EPC2: variants seen among roughly 807,000 people sequenced by gnomAD.
EPC2 encodes the protein enhancer of polycomb 2, also known as enhancer of polycomb homolog 2.
EPC2 carries 14 observed loss-of-function variants against 92.1 expected under a neutral mutation model. The observed-to-expected ratio is 0.15, with a 90% CI of 0.10 to 0.24. EPC2 has a LOEUF of 0.24. Ranked by LOEUF, EPC2 falls within the 10% of genes least tolerant of loss-of-function variation. The pLI is 1.00. For synonymous variants in EPC2, 340 were observed against 334.7 expected, an observed-to-expected ratio of 1.02 and a Z score of -0.17; for missense variants, 755 against 971.5, an observed-to-expected ratio of 0.78 and a Z score of 2.96.
chr2:148,740,546 A>G (rs906238611), intron 2 of EPC2, among the ~76,000 whole-genome samples: 2 of 152,094 alleles, frequency 1.3e-5, no homozygotes, highest in Non-Finnish European at 2.9e-5. Context: ...TTTCTAAACT[A>G]TTTCCCAGCT....
chr2:148,670,285 G>C (rs1028612503), intron 1 of EPC2, among the ~76,000 whole-genome samples: 1 of 151,794 alleles, frequency 6.6e-6, no homozygotes, highest in South Asian at 2.1e-4. Flanking sequence ...TTACTTTGTC[G>C]GGGTATTTTG....
Position 148,670,251 on chromosome 2 carries a change from G to A in EPC2, c.154-19963G>A, listed in dbSNP as rs1574571647. Among the ~76,000 whole-genome samples, 5 of 152,038 alleles carry A rather than the reference G, an allele frequency of 3.3e-5. 1 individual carries two copies. Among genetic ancestry groups the A allele is most frequent in the Admixed American group, 1.3e-4 (2 of 15,278 alleles). ...CACTGGCCTTCATTGCCTGATGTCCGTTGTCTTAAAACCCATTGTTTTATT... is the reference window on the plus strand; with the variant it reads ...CACTGGCCTTCATTGCCTGATGTCCATTGTCTTAAAACCCATTGTTTTATT... On this transcript the variant is annotated intron_variant, in intron 1 of 13. Coordinates refer to ENST00000258484, the MANE Select transcript of EPC2 (RefSeq NM_015630.4).
intron 2 of EPC2, among the ~76,000 whole-genome samples, chr2:148,728,517 A>G (rs559297376): frequency 3.3e-5 from 5 of 151,986 alleles, no homozygotes; most frequent in African/African-American, 1.2e-4. Context: ...CCTAGACTTG[A>G]GGCCAGAAGT....
At chr2:148,691,801 T>G (rs1369958253) in intron 2 of EPC2, 2 of 704,142 alleles carry the variant, frequency 2.8e-6, no homozygotes, top group African/African-American at 3.5e-5. Context: ...AATACAAAAT[T>G]CTTTGCTTTC....
At chr2:148,667,773 C>A (rs893191720) in intron 1 of EPC2, among the ~76,000 whole-genome samples, 1 of 152,046 alleles carries the variant, frequency 6.6e-6, no homozygotes, top group African/African-American at 2.4e-5. Flanking sequence ...TTTTGTAATG[C>A]CCTTTATCAG....
At chr2:148,667,980 C>T (rs1681085939) in intron 1 of EPC2, among the ~76,000 whole-genome samples, 1 of 152,150 alleles carries the variant, frequency 6.6e-6, no homozygotes, top group African/African-American at 2.4e-5. Context: ...CTCACCACGA[C>T]CTCTGCCTCC....
chr2:148,768,197 G>A (rs1180391425), intron 7 of EPC2, among the ~76,000 whole-genome samples: 3 of 152,138 alleles, frequency 2.0e-5, no homozygotes, highest in Non-Finnish European at 4.4e-5. Context: ...TTGAGCCAGC[G>A]TTTATCAGAA....
chr2:148,728,691 C>T (rs923434716), intron 2 of EPC2, among the ~76,000 whole-genome samples: 1 of 141,038 alleles, frequency 7.1e-6, no homozygotes, highest in Non-Finnish European at 1.5e-5. Context: ...GATCGTGCTA[C>T]TGCACTGCAT....
intron 1 of EPC2, among the ~76,000 whole-genome samples, chr2:148,649,434 A>T (rs929322740): frequency 6.6e-6 from 1 of 152,228 alleles, no homozygotes; most frequent in Admixed American, 6.5e-5. Context: ...TATAAATGGA[A>T]TCATACATAC....
At chr2:148,659,238 T>C (rs938327458) in intron 1 of EPC2, among the ~76,000 whole-genome samples, 3 of 152,146 alleles carry the variant, frequency 2.0e-5, no homozygotes, top group Non-Finnish European at 2.9e-5. Flanking sequence ...TGGGTTTGTT[T>C]TGTTTTGTTA....
intron 4 of EPC2, among the ~76,000 whole-genome samples, chr2:148,758,055 T>G (rs1437728805): frequency 6.7e-6 from 1 of 150,186 alleles, no homozygotes; most frequent in African/African-American, 2.5e-5. Context: ...GGAGCCAGCT[T>G]GAAAGGGGAC....
chr2:148,666,480 A>G (rs899090550), intron 1 of EPC2, among the ~76,000 whole-genome samples: 2 of 152,222 alleles, frequency 1.3e-5, no homozygotes, highest in Non-Finnish European at 2.9e-5. Context: ...AATTTATTGC[A>G]TACCGATACT....
At chr2:148,731,473 G>A (rs1474963024) in intron 2 of EPC2, among the ~76,000 whole-genome samples, 1 of 152,094 alleles carries the variant, frequency 6.6e-6, no homozygotes, top group East Asian at 1.9e-4. Flanking sequence ...CACAGTCTCC[G>A]CTCACTACAA....
At chr2:148,714,137 C>G (rs1297096365) in intron 2 of EPC2, among the ~76,000 whole-genome samples, 1 of 150,070 alleles carries the variant, frequency 6.7e-6, no homozygotes, top group Admixed American at 6.7e-5. Context: ...CATTCAGCTC[C>G]CATTTCTAAG....
intron 2 of EPC2, among the ~76,000 whole-genome samples, chr2:148,694,877 A>G (rs570970922): frequency 9.9e-5 from 15 of 152,222 alleles, no homozygotes; most frequent in African/African-American, 3.4e-4. Context: ...GGTTTAAGCA[A>G]TTCCTCTGCC....
chr2:148,739,833 C>CTTTTTTTTTTTTTTT (rs144868417), intron 2 of EPC2, among the ~76,000 whole-genome samples: 56 of 81,288 alleles, frequency 6.9e-4, no homozygotes, highest in Middle Eastern at 0.012. Flanking sequence ...TCTTCTTCTT[C>CTTTTTTTTTTTTTTT]TTTTTTTTTT....
chr2:148,772,758 T>A (rs1683551351), intron 10 of EPC2, among the ~76,000 whole-genome samples: 1 of 152,196 alleles, frequency 6.6e-6, no homozygotes. Context: ...ATGCGTAATA[T>A]GATTTGAGGC....
Position 148,656,001 on chromosome 2 carries a change from C to CTGTGTTTGTGTGTG in EPC2, c.153+10836_153+10837insTTGTGTGTGTGTGT, listed in dbSNP as rs777687880. ...ACGCTACAGAGGCAGCTGCTGTTAG[C>CTGTGTTTGTGTGTG]TGTGTGTGTGTGTGTGTGTGTGTGG... On this transcript the variant is annotated intron_variant, in intron 1 of 13. Coordinates refer to ENST00000258484, the MANE Select transcript of EPC2 (RefSeq NM_015630.4). 2.2e-4 allele frequency among the ~76,000 whole-genome samples: 13 copies of CTGTGTTTGTGTGTG among 59,904 alleles called. 1 individual carries two copies. The highest frequency in any genetic ancestry group is 8.4e-4 in the African/African-American group (13 of 15,538). 39.3% of individuals were successfully genotyped at this position (59,904 alleles called of 152,430 possible). A position where few individuals can be genotyped will look rare whatever the true frequency, so the allele number is the denominator to read the frequency against.
At chr2:148,722,760 G>A (rs950736875) in intron 2 of EPC2, among the ~76,000 whole-genome samples, 1 of 152,168 alleles carries the variant, frequency 6.6e-6, no homozygotes, top group East Asian at 1.9e-4. Context: ...CAGCAAAGAC[G>A]TGGAGTCAAC....
Sources: gnomAD v4.1 joint callset for allele counts (sites outside exome capture counted in the v4.1 genomes callset) on GRCh38, gnomAD v4.1.1 for gene constraint, MANE v1.5 for transcripts, NCBI Gene and HGNC (gene_info 2026-07-23, HGNC 2026-07-21) for gene names.